STAU2: variants seen among roughly 807,000 people sequenced by gnomAD.
The protein encoded by STAU2 is staufen double-stranded RNA binding protein 2, also known as double-stranded RNA-binding protein Staufen homolog 2.
A neutral mutation model predicts 65.9 loss-of-function variants in STAU2; 20 were observed. That is an observed-to-expected ratio of 0.30 (90% CI 0.21 to 0.44). The LOEUF is 0.44. STAU2 is among the 20% of genes least tolerant of loss of function. The pLI is 1.00. For missense variants in STAU2, 558 were observed against 683.9 expected (o/e 0.82, Z 2.05); for synonymous variants, 232 against 233.9 (o/e 0.99, Z 0.07).
At chr8:73,446,555 T>A (rs1818477959) in intron 13 of STAU2, among the ~76,000 whole-genome samples, 1 of 152,250 alleles carries the variant, frequency 6.6e-6, no homozygotes. Flanking sequence ...CTGTGAATGT[T>A]TAATTATATC....
intron 6 of STAU2, among the ~76,000 whole-genome samples, chr8:73,630,597 TAACTC>T (rs1359456275): frequency 6.6e-6 from 1 of 152,232 alleles, no homozygotes; most frequent in African/African-American, 2.4e-5. Flanking sequence ...TATTCTGAAA[TAACTC>T]AGTCATCATG....
intron 13 of STAU2, among the ~76,000 whole-genome samples, chr8:73,528,655 T>C (rs2128931798): frequency 6.6e-6 from 1 of 152,286 alleles, no homozygotes; most frequent in African/African-American, 2.4e-5. Flanking sequence ...GAGAGAAAAT[T>C]GGTTTTATTA....
chr8:73,596,113 TAA>T (rs79741976), intron 10 of STAU2, among the ~76,000 whole-genome samples: 34 of 134,814 alleles, frequency 2.5e-4, no homozygotes, highest in Admixed American at 3.7e-4. Context: ...ACTCCATCTT[TAA>T]AAAAAAAAAA....
chr8:73,602,685 C>A (rs559117526), intron 10 of STAU2, among the ~76,000 whole-genome samples: 1 of 149,766 alleles, frequency 6.7e-6, no homozygotes, highest in African/African-American at 2.5e-5. Context: ...ATCATGCCAC[C>A]GTACTCCAGC....
At chr8:73,447,707 G>C (rs533385731) in intron 13 of STAU2, among the ~76,000 whole-genome samples, 6 of 152,206 alleles carry the variant, frequency 3.9e-5, no homozygotes, top group Non-Finnish European at 7.3e-5. Flanking sequence ...CTGACCACGA[G>C]GTGGAACCCC....
intron 12 of STAU2, among the ~76,000 whole-genome samples, chr8:73,568,513 G>A (rs543045489): frequency 3.0e-4 from 46 of 152,200 alleles, no homozygotes; most frequent in African/African-American, 1.1e-3. Context: ...TGAGGCAAGA[G>A]GATCCCTTGA....
intron 6 of STAU2, among the ~76,000 whole-genome samples, chr8:73,625,053 T>A (rs79998031): frequency 0.018 from 2,796 of 152,034 alleles, 71 homozygotes; most frequent in African/African-American, 0.06. Flanking sequence ...CTAGGATGGC[T>A]ATAGTTTAAA....
At chr8:73,652,210 AACTC>A (rs1271394474) in intron 6 of STAU2, 2 of 152,220 alleles carry the variant, frequency 1.3e-5, no homozygotes, top group Non-Finnish European at 2.9e-5. Flanking sequence ...AAAATTATCA[AACTC>A]AGGCAGATAA....
At chr8:73,726,996 G>A (rs1317021070) in intron 3 of STAU2, among the ~76,000 whole-genome samples, 12 of 152,082 alleles carry the variant, frequency 7.9e-5, no homozygotes, top group South Asian at 2.1e-4. Context: ...TTGGGAGGCC[G>A]AGGCAGGTGG....
chr8:73,740,086 TG>T (rs2130783550), intron 1 of STAU2, among the ~76,000 whole-genome samples: 1 of 152,304 alleles, frequency 6.6e-6, no homozygotes, highest in Non-Finnish European at 1.5e-5. Context: ...CCCAGGAAAC[TG>T]AACCCTGCAA....
At chr8:73,515,777 T>A (rs983421016) in intron 13 of STAU2, among the ~76,000 whole-genome samples, 5 of 64,724 alleles carry the variant, frequency 7.7e-5, no homozygotes, top group Non-Finnish European at 1.6e-4. Context: ...ATTTCTCTTT[T>A]TTTTTTTTTT....
chr8:73,615,126 GTAT>G (rs1812737215), intron 8 of STAU2, among the ~76,000 whole-genome samples: 1 of 151,892 alleles, frequency 6.6e-6, no homozygotes, highest in Non-Finnish European at 1.5e-5. Context: ...AATAAAAGAA[GTAT>G]TATAATAATT....
intron 13 of STAU2, among the ~76,000 whole-genome samples, chr8:73,465,585 G>GTT (rs1295129305): frequency 1.3e-5 from 2 of 152,174 alleles, no homozygotes; most frequent in African/African-American, 2.4e-5. Context: ...ATAGGAGAGT[G>GTT]TTTTTAACCT....
At chr8:73,692,600 T>G (rs1340464977) in intron 4 of STAU2, among the ~76,000 whole-genome samples, 1 of 152,202 alleles carries the variant, frequency 6.6e-6, no homozygotes, top group Non-Finnish European at 1.5e-5. Context: ...GTGAGCTGTT[T>G]TAACAAATTA....
rs1816311834 is a variant in STAU2 at position 73,420,397 on chromosome 8, T to C, written c.*975A>G. 1 of 337,966 alleles carries C rather than the reference T, an allele frequency of 3.0e-6. No individual in the cohort carries two copies. Among genetic ancestry groups the C allele is most frequent in the Non-Finnish European group, 5.9e-6 (1 of 168,868 alleles). 20.9% of individuals were successfully genotyped at this position (337,966 alleles called of 1,614,324 possible). A position where few individuals can be genotyped will look rare whatever the true frequency, so the allele number is the denominator to read the frequency against. The stretch of plus-strand genomic sequence containing the variant: ...ACACAGAAACCAACCACATTTTTAC[T>C]GCATCTGCTCCACGCTGGATTCCAA... On this transcript the variant is annotated 3_prime_UTR_variant, in exon 15 of 15. Transcript: ENST00000524300.
At chr8:73,547,576 A>G (rs7826861) in intron 13 of STAU2, among the ~76,000 whole-genome samples, 121,681 of 152,052 alleles carry the variant, frequency 0.8, 49,044 homozygotes, top group Admixed American at 0.84. Flanking sequence ...CAAGCCTTCA[A>G]GAGAGTTCTA....
chr8:73,710,217 T>C (rs1820797244), intron 3 of STAU2, among the ~76,000 whole-genome samples: 1 of 152,002 alleles, frequency 6.6e-6, no homozygotes, highest in African/African-American at 2.4e-5. Flanking sequence ...ATCCCATTAT[T>C]GTTCTTTGCA....
At chr8:73,436,224 G>T (rs1478153915) in intron 13 of STAU2, among the ~76,000 whole-genome samples, 1 of 151,764 alleles carries the variant, frequency 6.6e-6, no homozygotes, top group Non-Finnish European at 1.5e-5. Flanking sequence ...GTTTAATTCT[G>T]AATATTGGTT....
intron 13 of STAU2, among the ~76,000 whole-genome samples, chr8:73,449,622 C>T (rs1818685204): frequency 1.3e-5 from 2 of 152,186 alleles, no homozygotes; most frequent in Admixed American, 1.3e-4. Context: ...CAGCAGCGAG[C>T]TCAGATTTGT....
Sources: allele counts gnomAD v4.1 joint callset (sites outside exome capture counted in the v4.1 genomes callset), GRCh38; gene constraint gnomAD v4.1.1; transcripts MANE v1.5; gene names NCBI Gene and HGNC (gene_info 2026-07-23, HGNC 2026-07-21).